Variants in GABRR2 observed in about 807,000 individuals in gnomAD.
GABRR2 encodes gamma-aminobutyric acid receptor subunit rho-2.
Under a neutral mutation model 47.0 loss-of-function variants are expected in GABRR2, and 36 were observed. That is an observed-to-expected ratio of 0.77 (90% confidence interval 0.59 to 1.01). The LOEUF (loss-of-function observed/expected upper bound fraction) is 1.01. Among genes scored for constraint, GABRR2 ranks in the 50% least tolerant of loss-of-function variants. GABRR2 has a pLI of 0.00. For missense variants in GABRR2, 587 were observed against 594.6 expected (o/e 0.99, Z 0.13); for synonymous variants, 204 against 227.5 (o/e 0.90, Z 0.93).
intron 2 of GABRR2, among the ~76,000 whole-genome samples, chr6:89,286,449 G>A (rs944556809): frequency 1.3e-5 from 2 of 152,064 alleles, no homozygotes; most frequent in African/African-American, 4.8e-5. Context: ...TATGTGAGGT[G>A]ATACATTTAT....
chr6:89,292,709 A>ATCG (rs1774472875), intron 2 of GABRR2, among the ~76,000 whole-genome samples: 1 of 130,654 alleles, frequency 7.7e-6, no homozygotes, highest in Non-Finnish European at 1.7e-5. Flanking sequence ...TATCTCTGAT[A>ATCG]TATATCAGAT....
At chr6:89,311,174 C>T (rs751865372) in intron 1 of GABRR2, among the ~76,000 whole-genome samples, 16 of 152,184 alleles carry the variant, frequency 1.1e-4, no homozygotes, top group African/African-American at 1.9e-4. Flanking sequence ...AAGACGCCTC[C>T]GGAAGGCAGA....
chr6:89,266,221 C>T (rs1773891580), intron 6 of GABRR2, among the ~76,000 whole-genome samples: 1 of 152,120 alleles, frequency 6.6e-6, no homozygotes, highest in Admixed American at 6.5e-5. Flanking sequence ...TGCCACCATG[C>T]CCAGCTAAAT....
chr6:89,312,078 G>T lies in GABRR2; in HGVS notation c.113+2975C>A, dbSNP rs868227230. Among the ~76,000 whole-genome samples, 69 of 152,186 alleles carry T rather than the reference G, an allele frequency of 4.5e-4. 1 individual carries two copies. Among genetic ancestry groups the T allele is most frequent in the Non-Finnish European group, 2.6e-4 (18 of 68,030 alleles). On this transcript the variant is annotated intron_variant, in intron 1 of 8. Transcript: ENST00000402938. ...GATGGGGAAGGAAGCTACAGAGGGG[G>T]CTCCACGTTGAGACCTGCAGGGGCC... is the stretch of plus-strand genomic sequence containing the variant.
chr6:89,285,107 C>T (rs535207702), intron 2 of GABRR2, among the ~76,000 whole-genome samples: 1 of 152,310 alleles, frequency 6.6e-6, no homozygotes, highest in African/African-American at 2.4e-5. Context: ...TTCAGACATT[C>T]TTCATCCCTG....
At chr6:89,308,459 C>T (rs1036136925) in intron 1 of GABRR2, among the ~76,000 whole-genome samples, 1 of 152,102 alleles carries the variant, frequency 6.6e-6, no homozygotes, top group African/African-American at 2.4e-5. Flanking sequence ...TTTCCATTAC[C>T]TCAGTGGAGT....
chr6:89,299,580 A>T (rs1774613589), intron 2 of GABRR2, among the ~76,000 whole-genome samples, 179 bp downstream of exon 2: 1 of 152,112 alleles, frequency 6.6e-6, no homozygotes, highest in Non-Finnish European at 1.5e-5. Flanking sequence ...GGCCCTCTCC[A>T]CTACTTCCTG....
chr6:89,293,843 GA>G (rs1430940170), intron 2 of GABRR2, among the ~76,000 whole-genome samples: 1 of 152,108 alleles, frequency 6.6e-6, no homozygotes, highest in Non-Finnish European at 1.5e-5. Flanking sequence ...CCAACAAAAG[GA>G]GGAGAAACCC....
intron 1 of GABRR2, among the ~76,000 whole-genome samples, chr6:89,300,339 A>G (rs1774644552): frequency 6.6e-6 from 1 of 152,078 alleles, no homozygotes; most frequent in East Asian, 1.9e-4. Flanking sequence ...GTGAAACCCC[A>G]TTTCTACTAA....
intron 3 of GABRR2, chr6:89,270,635 A>G (rs1380568591): frequency 6.6e-6 from 1 of 152,268 alleles, no homozygotes; most frequent in Non-Finnish European, 1.5e-5. Context: ...GTACAACCTC[A>G]GTATCAATCA....
At position 89,257,536 on chromosome 6, in the gene GABRR2, T is replaced by C. The variant is rs1014107861; in HGVS notation, c.*134A>G. 8 of 716,662 alleles carry C rather than the reference T, an allele frequency of 1.1e-5. No homozygotes were observed. Among genetic ancestry groups the C allele is most frequent in the African/African-American group, 7.1e-5 (4 of 55,980 alleles). 44.4% of individuals were successfully genotyped at this position (716,662 alleles called of 1,614,324 possible). On this transcript the variant is annotated 3_prime_UTR_variant, in exon 9 of 9. Coordinates refer to ENST00000402938, the MANE Select transcript of GABRR2 (RefSeq NM_002043.5). ...AAGGCTCCTGGGCTTCTCTGAGAGA[T>C]GAGTGCTGCTCAGGGTGGTCCAGTA...
Position 89,269,610 on chromosome 6 carries a change from A to G in GABRR2, c.289-376T>C, listed in dbSNP as rs563201505. Among the ~76,000 whole-genome samples the G allele has an allele frequency of 5.1e-4, 77 of 152,330 alleles. 1 individual carries two copies. Among genetic ancestry groups the G allele is most frequent in the African/African-American group, 1.8e-3 (73 of 41,572 alleles). ...TTGGCTAACCATTCCATTTCAGCTT[A>G]GTGGCCACTTCCAGAAACCTGGATT... is the stretch of plus-strand genomic sequence containing the variant. On this transcript the variant is annotated intron_variant, in intron 3 of 8. Coordinates refer to ENST00000402938, the MANE Select transcript of GABRR2 (RefSeq NM_002043.5).
intron 1 of GABRR2, among the ~76,000 whole-genome samples, chr6:89,314,162 G>A (rs576684814): frequency 1.3e-5 from 2 of 152,170 alleles, no homozygotes; most frequent in African/African-American, 2.4e-5. Context: ...AGCAGCGCAT[G>A]TTCAAAAATG....
Position 89,265,599 on chromosome 6 carries a change from T to C in GABRR2, c.889+14A>G, listed in dbSNP as rs769508525. On this transcript the variant is annotated intron_variant, in intron 7 of 8. Transcript: ENST00000402938. ...AAAATAACCACCCTACCACACCTTA[T>C]GAAATGCTTTTACCCAGTGAAACTC... The C allele has an allele frequency of 1.6e-5, 25 of 1,607,070 alleles. 1 individual carries two copies. The highest frequency in any genetic ancestry group is 2.0e-5 in the Non-Finnish European group (24 of 1,177,614).
intron 1 of GABRR2, chr6:89,302,406 C>T (rs367834448): frequency 1.1e-5 from 6 of 565,826 alleles, no homozygotes; most frequent in East Asian, 9.0e-5. Context: ...AGGACATCTG[C>T]GTCAGCACCC....
rs750464890 is a variant in GABRR2 at position 89,299,809 on chromosome 6, T to C, written c.170A>G (p.Gln57Arg). Residue 57 changes from glutamine to arginine, a missense_variant, in exon 2 of 9, where the codon CAG becomes CGG. Physicochemically the swap from Gln to Arg is conservative, Grantham distance 43. Transcript: ENST00000402938. ...VTKIRKGKPQ[Q>R]LLRVDEHDFS... is the part of the protein sequence containing the mutation. ...GTCGTGCTCGTCCACTCTGAGAAGCTGCTGAGGCTTTCCCTTCCGGATCTT... is the reference window on the plus strand; with the variant it reads ...GTCGTGCTCGTCCACTCTGAGAAGCCGCTGAGGCTTTCCCTTCCGGATCTT... 2.5e-6 allele frequency: 4 copies of C among 1,613,884 alleles called. No individual in the cohort carries two copies. In the South Asian group the frequency reaches 4.4e-5, roughly 18 times the overall value.
chr6:89,258,980 T>A (rs1269272889), intron 8 of GABRR2, among the ~76,000 whole-genome samples: 2 of 151,444 alleles, frequency 1.3e-5, no homozygotes, highest in African/African-American at 4.8e-5. Flanking sequence ...ATGTTGGATC[T>A]AGGTGCTAGG....
chr6:89,273,861 C>T (rs1022585067), intron 2 of GABRR2, among the ~76,000 whole-genome samples: 1 of 152,200 alleles, frequency 6.6e-6, no homozygotes, highest in Non-Finnish European at 1.5e-5. Context: ...TGTACTCTCC[C>T]TGTTCCCCAT....
intron 2 of GABRR2, among the ~76,000 whole-genome samples, chr6:89,290,530 C>T (rs1276042501): frequency 1.3e-5 from 2 of 152,194 alleles, no homozygotes; most frequent in African/African-American, 4.8e-5. Context: ...GCCCAGTGCC[C>T]AAGTGTGGCC....
Sources: gnomAD v4.1 joint callset for allele counts (sites outside exome capture counted in the v4.1 genomes callset) on GRCh38, gnomAD v4.1.1 for gene constraint, MANE v1.5 for transcripts, NCBI Gene and HGNC (gene_info 2026-07-23, HGNC 2026-07-21) for gene names.